PIK3C2G: variants seen among roughly 807,000 people sequenced by gnomAD.
The protein encoded by PIK3C2G is phosphatidylinositol-4-phosphate 3-kinase catalytic subunit type 2 gamma, also known as phosphatidylinositol 3-kinase C2 domain-containing subunit gamma.
PIK3C2G carries 168 observed loss-of-function variants against 181.1 expected under a neutral mutation model. The ratio of observed to expected loss-of-function variants is 0.93; its 90% confidence interval spans 0.82 to 1.05. PIK3C2G has a LOEUF of 1.05. PIK3C2G is among the 50% of genes least tolerant of loss of function. The pLI is 0.00. For synonymous variants in PIK3C2G, 573 were observed against 592.2 expected, an observed-to-expected ratio of 0.97 and a Z score of 0.47; for missense variants, 1,869 against 1,732.8, an observed-to-expected ratio of 1.08 and a Z score of -1.40.
the PIK3C2G span, among the ~76,000 whole-genome samples, chr12:18,672,483 G>T: frequency 6.6e-6 from 1 of 152,002 alleles, no homozygotes; most frequent in East Asian, 1.9e-4. Flanking sequence ...ATAAATCTAG[G>T]TTAAAACAAC....
intron 1 of PIK3C2G, among the ~76,000 whole-genome samples, chr12:18,280,968 T>C (rs1949186988): frequency 6.6e-6 from 1 of 151,932 alleles, no homozygotes; most frequent in African/African-American, 2.4e-5. Flanking sequence ...GGTGAAACTC[T>C]GGTTTCTGGT....
the PIK3C2G span, chr12:18,688,118 T>A: frequency 6.2e-7 from 1 of 1,611,592 alleles, no homozygotes; most frequent in African/African-American, 1.3e-5. Flanking sequence ...AGTCTGCTGC[T>A]TCATTTGATC....
intron 31 of PIK3C2G, among the ~76,000 whole-genome samples, chr12:18,626,857 G>T (rs1592747930): frequency 1.3e-5 from 2 of 151,840 alleles, no homozygotes; most frequent in Admixed American, 1.3e-4. Flanking sequence ...CTTATATGTT[G>T]TGTTGAATTC....
Position 18,582,976 on chromosome 12 carries a change from A to G in PIK3C2G, c.4012-11518A>G, listed in dbSNP as rs566028186. 2.6e-5 allele frequency among the ~76,000 whole-genome samples: 4 copies of G among 151,920 alleles called. No individual in the cohort carries two copies. The South Asian group carries it at 8.3e-4, about 32-fold the overall frequency. On this transcript the variant is annotated intron_variant, in intron 29 of 32. Transcript: ENST00000538779. ...GACAGGCTGCCATCTTTGCTCTTTCACAGCTTTAGCTGTTGTTGTTTTCAG... is the reference window on the plus strand; with the variant it reads ...GACAGGCTGCCATCTTTGCTCTTTCGCAGCTTTAGCTGTTGTTGTTTTCAG...
chr12:18,694,016 G>A, the PIK3C2G span: 1 of 1,480,106 alleles, frequency 6.8e-7, no homozygotes. Flanking sequence ...TAGAATGAAA[G>A]TAACAAATGA....
At chr12:18,257,843 GAA>G (rs200893858), upstream of PIK3C2G, among the ~76,000 whole-genome samples, 2,512 of 117,422 alleles carry the variant, frequency 0.021, 68 homozygotes, top group African/African-American at 0.067. Context: ...GAAAGGAAAA[GAA>G]AGAGAAAGAA....
At chr12:18,521,855 C>T (rs61914422) in intron 24 of PIK3C2G, among the ~76,000 whole-genome samples, 7 of 152,248 alleles carry the variant, frequency 4.6e-5, no homozygotes, top group Non-Finnish European at 7.3e-5. Context: ...AGAATCTGTG[C>T]GGCTCCATGG....
At position 18,547,191 on chromosome 12, in the gene PIK3C2G, T is replaced by C. The variant is rs1198588266; in HGVS notation, c.3590+759T>C. 2.6e-5 allele frequency among the ~76,000 whole-genome samples: 4 copies of C among 152,044 alleles called. No homozygotes were observed. The South Asian group carries it at 6.2e-4, about 24-fold the overall frequency. On this transcript the variant is annotated intron_variant, in intron 26 of 32. Transcript: ENST00000538779. ...TTTATAAACAGAGATTATATTCTTT[T>C]AAGTGGAATGTATGCTTTAAAGAAA...
intron 32 of PIK3C2G, among the ~76,000 whole-genome samples, chr12:18,641,234 C>T (rs1949822233): frequency 6.6e-6 from 1 of 152,180 alleles, no homozygotes; most frequent in South Asian, 2.1e-4. Flanking sequence ...CCCTCACTAT[C>T]ACCTCCAAAC....
intron 6 of PIK3C2G, among the ~76,000 whole-genome samples, chr12:18,316,716 C>A (rs758413333): frequency 6.6e-6 from 1 of 151,784 alleles, no homozygotes; most frequent in Admixed American, 6.6e-5. Context: ...GGTGACAGAG[C>A]GAGACTCTGT....
intron 2 of PIK3C2G, among the ~76,000 whole-genome samples, chr12:18,286,373 C>A (rs566296713): frequency 6.6e-6 from 1 of 151,920 alleles, no homozygotes; most frequent in Non-Finnish European, 1.5e-5. Context: ...GATGACTAAA[C>A]GAACTGTGGA....
intron 31 of PIK3C2G, among the ~76,000 whole-genome samples, chr12:18,630,602 A>G (rs943453200): frequency 4.6e-5 from 7 of 152,172 alleles, no homozygotes; most frequent in African/African-American, 1.7e-4. Context: ...GAAGTGGAAC[A>G]AAACATAGAC....
At chr12:18,509,300 G>A (rs530864072) in intron 24 of PIK3C2G, among the ~76,000 whole-genome samples, 95 of 152,186 alleles carry the variant, frequency 6.2e-4, no homozygotes, top group South Asian at 5.6e-3. Context: ...CGCCCGCCTC[G>A]GCCTCTCAAA....
chr12:18,719,798 G>T, the PIK3C2G span, among the ~76,000 whole-genome samples: 1 of 151,900 alleles, frequency 6.6e-6, no homozygotes. Flanking sequence ...ACAAATTTTT[G>T]TAGTAAAACC....
intron 9 of PIK3C2G, among the ~76,000 whole-genome samples, chr12:18,342,912 A>T (rs1468189228): frequency 6.6e-6 from 1 of 152,094 alleles, no homozygotes; most frequent in Admixed American, 6.6e-5. Context: ...GTGAATCTGT[A>T]CTGATTTTGT....
At chr12:18,638,319 T>C (rs11044228) in intron 31 of PIK3C2G, among the ~76,000 whole-genome samples, 12,208 of 152,170 alleles carry the variant, frequency 0.08, 614 homozygotes, top group Middle Eastern at 0.18. Flanking sequence ...CTCTCAGAGG[T>C]TGGAGGTGAA....
the PIK3C2G span, among the ~76,000 whole-genome samples, chr12:18,664,537 T>C: frequency 6.6e-6 from 1 of 152,146 alleles, no homozygotes; most frequent in Non-Finnish European, 1.5e-5. Context: ...TAAAGTATGA[T>C]TCTATTTATA....
intron 17 of PIK3C2G, 59 bp downstream of exon 17, chr12:18,421,093 TTCCTAATGAA>T: frequency 1.1e-6 from 1 of 945,400 alleles, no homozygotes; most frequent in Non-Finnish European, 1.7e-6. Context: ...CTCTAAAAGG[TTCCTAATGAA>T]TCAACAATAG....
intron 22 of PIK3C2G, 41 bp from the exon 23 acceptor site, chr12:18,503,240 G>A: frequency 6.7e-7 from 1 of 1,499,984 alleles, no homozygotes. Flanking sequence ...CTCATCTTGT[G>A]ATGAAGGAAT....
Sources: allele counts gnomAD v4.1 joint callset (sites outside exome capture counted in the v4.1 genomes callset), GRCh38; gene constraint gnomAD v4.1.1; transcripts MANE v1.5; gene names NCBI Gene and HGNC (gene_info 2026-07-23, HGNC 2026-07-21).